Variants in DACH2 observed in about 807,000 individuals in gnomAD.
DACH2 encodes dachshund family transcription factor 2, also known as dachshund homolog 2.
A neutral mutation model predicts 35.8 loss-of-function variants in DACH2; 17 were observed. The ratio of observed to expected loss-of-function variants is 0.48; its 90% CI spans 0.33 to 0.71. The LOEUF (loss-of-function observed/expected upper bound fraction) is 0.71, where lower values mean the gene tolerates loss of function less well. Ranked by LOEUF, DACH2 falls within the 30% of genes least tolerant of loss-of-function variation. The pLI, the probability that DACH2 is intolerant of heterozygous loss-of-function variation, is 0.02. For synonymous variants in DACH2, 195 were observed against 177.3 expected (o/e 1.10, Z -0.79); for missense variants, 469 against 472.7 (o/e 0.99, Z 0.07).
chrX:86,571,445 C>T (rs1027804761), intron 3 of DACH2, among the ~76,000 whole-genome samples: 5 of 109,850 alleles, frequency 4.6e-5, no homozygotes, highest in South Asian at 7.8e-4. Flanking sequence ...TATCCCTCCC[C>T]GCTCCCCCCA....
intron 2 of DACH2, among the ~76,000 whole-genome samples, chrX:86,422,079 T>C (rs2036812986): frequency 9.0e-6 from 1 of 111,397 alleles, no homozygotes; most frequent in Non-Finnish European, 1.9e-5. Flanking sequence ...GAAAAAAATC[T>C]CAATGTGTAA....
chrX:86,412,236 A>G (rs2036626668), intron 2 of DACH2, among the ~76,000 whole-genome samples: 1 of 111,495 alleles, frequency 9.0e-6, no homozygotes, highest in Non-Finnish European at 1.9e-5. Flanking sequence ...CCTCTAGGCC[A>G]GGAGAATGTA....
At chrX:86,301,258 T>C (rs2034569833) in intron 1 of DACH2, among the ~76,000 whole-genome samples, 2 of 112,114 alleles carry the variant, frequency 1.8e-5, no homozygotes, top group Non-Finnish European at 3.8e-5. Context: ...GTCAAAGTTT[T>C]CCAGCAAGAC....
intron 1 of DACH2, among the ~76,000 whole-genome samples, chrX:86,265,319 C>T (rs2033692748): frequency 9.0e-6 from 1 of 111,652 alleles, no homozygotes; most frequent in African/African-American, 3.3e-5. Flanking sequence ...ATATTATATT[C>T]CTAAAAGACC....
rs767733446 is a variant in DACH2, at chrX:86,714,480, G to T, written c.932-68G>T. ...TATAAGAAAACTAAGAATGAATTTA[G>T]GTACTTTTTAACAAACTATTTCAGA... On this transcript the variant is annotated intron_variant, in intron 5 of 11. Transcript: ENST00000373125. The T allele has an allele frequency of 5.7e-5, 54 of 946,478 alleles. No individual in the cohort carries two copies. In the Middle Eastern group the frequency reaches 1.2e-3, roughly 20 times the overall value. The allele number at this position is 946,478 out of a possible 1,213,427, so 78.0% of individuals were successfully genotyped here. A position where few individuals can be genotyped will look rare whatever the true frequency, so the allele number is the denominator to read the frequency against.
chrX:86,283,656 C>G (rs1246990065), intron 1 of DACH2, among the ~76,000 whole-genome samples: 1 of 99,406 alleles, frequency 1.0e-5, no homozygotes, highest in African/African-American at 3.8e-5. Context: ...CGTTCTCACT[C>G]ATAAATGGGG....
intron 1 of DACH2, among the ~76,000 whole-genome samples, chrX:86,292,790 A>G (rs2034335432): frequency 9.0e-6 from 1 of 111,384 alleles, no homozygotes; most frequent in African/African-American, 3.3e-5. Context: ...AGTCTGAGAG[A>G]TAGTTTGTTA....
chrX:86,757,461 A>G (rs147136691), intron 7 of DACH2, among the ~76,000 whole-genome samples: 125 of 112,173 alleles, frequency 1.1e-3, no homozygotes, highest in African/African-American at 3.9e-3. Context: ...AATCTTTGGA[A>G]AGTTTTATAG....
intron 3 of DACH2, among the ~76,000 whole-genome samples, chrX:86,578,548 G>T (rs578201300): frequency 9.0e-6 from 1 of 111,326 alleles, no homozygotes; most frequent in Non-Finnish European, 1.9e-5. Flanking sequence ...TTTTCAGACT[G>T]GCTTCCTTAT....
chrX:86,816,637 A>G (rs376916037), intron 11 of DACH2, among the ~76,000 whole-genome samples: 1 of 112,094 alleles, frequency 8.9e-6, no homozygotes, highest in African/African-American at 3.2e-5. Context: ...CGTGATTTAC[A>G]TGATTATCAC....
At chrX:86,264,753 T>C (rs377114538) in intron 1 of DACH2, among the ~76,000 whole-genome samples, 3 of 111,875 alleles carry the variant, frequency 2.7e-5, no homozygotes, top group East Asian at 2.8e-4. Flanking sequence ...AATAGTATTA[T>C]TGAAAGAGAG....
At chrX:86,254,628 C>T (rs992473398) in intron 1 of DACH2, among the ~76,000 whole-genome samples, 7 of 96,183 alleles carry the variant, frequency 7.3e-5, no homozygotes, top group Non-Finnish European at 1.4e-4. Context: ...ACTATTTCTG[C>T]AGTGCTCTGA....
At chrX:86,788,243 G>A (rs969266819) in intron 7 of DACH2, among the ~76,000 whole-genome samples, 7 of 110,798 alleles carry the variant, frequency 6.3e-5, no homozygotes, top group Admixed American at 9.7e-5. Flanking sequence ...AAGCTTACTC[G>A]CCCAGCTCCT....
chrX:86,345,481 G>A, intron 1 of DACH2: 1 of 274,133 alleles, frequency 3.6e-6, no homozygotes, highest in Non-Finnish European at 6.9e-6. Flanking sequence ...GGGAGAGAGG[G>A]AGAAAGTTAT....
At chrX:86,397,414 C>T in intron 2 of DACH2, among the ~76,000 whole-genome samples, 1 of 111,635 alleles carries the variant, frequency 9.0e-6, no homozygotes, top group East Asian at 2.8e-4. Flanking sequence ...CTGGCCAGAA[C>T]TTCCAACACT....
intron 4 of DACH2, among the ~76,000 whole-genome samples, chrX:86,655,573 T>A (rs2040529310): frequency 8.9e-6 from 1 of 111,769 alleles, no homozygotes; most frequent in Admixed American, 9.5e-5. Context: ...TTAGAGTAAT[T>A]CTTGAATATG....
intron 2 of DACH2, among the ~76,000 whole-genome samples, chrX:86,444,998 A>T (rs937763312): frequency 9.0e-6 from 1 of 111,064 alleles, no homozygotes; most frequent in African/African-American, 3.3e-5. Flanking sequence ...TATTGAAATT[A>T]TGGAATGCTT....
intron 4 of DACH2, among the ~76,000 whole-genome samples, chrX:86,659,799 GC>G (rs2040586019): frequency 9.0e-6 from 1 of 111,434 alleles, no homozygotes; most frequent in Admixed American, 9.6e-5. Context: ...TAATCACATT[GC>G]CTTTGAATTC....
chrX:86,442,924 A>G (rs1438869563), intron 2 of DACH2, among the ~76,000 whole-genome samples: 1 of 111,622 alleles, frequency 9.0e-6, no homozygotes, highest in East Asian at 2.8e-4. Flanking sequence ...TTTCTGTCCC[A>G]TGGGTCTATG....
Sources: gnomAD v4.1 joint callset for allele counts (sites outside exome capture counted in the v4.1 genomes callset) on GRCh38, gnomAD v4.1.1 for gene constraint, MANE v1.5 for transcripts, NCBI Gene and HGNC (gene_info 2026-07-23, HGNC 2026-07-21) for gene names.